Variants in DNMBP observed in about 807,000 individuals in gnomAD.
The protein encoded by DNMBP is dynamin-binding protein.
DNMBP carries 87 observed loss-of-function variants against 150.0 expected under a neutral mutation model. That is an observed-to-expected ratio of 0.58 (90% CI 0.49 to 0.69). The LOEUF (loss-of-function observed/expected upper bound fraction) is 0.69, where lower values mean the gene tolerates loss of function less well. Ranked by LOEUF, DNMBP falls within the 30% of genes least tolerant of loss-of-function variation. The pLI is 0.00. For missense variants in DNMBP, 1,774 were observed against 1,949.0 expected (o/e 0.91, Z 1.69); for synonymous variants, 711 against 750.4 (o/e 0.95, Z 0.86).
At chr10:99,925,207 C>G (rs1314214060) in intron 4 of DNMBP, among the ~76,000 whole-genome samples, 1 of 152,134 alleles carries the variant, frequency 6.6e-6, no homozygotes, top group Non-Finnish European at 1.5e-5. Flanking sequence ...CAGACTCAAT[C>G]TACGGCTGTG....
At chr10:99,976,756 A>T (rs1035361470) in intron 1 of DNMBP, among the ~76,000 whole-genome samples, 6 of 151,616 alleles carry the variant, frequency 4.0e-5, no homozygotes, top group African/African-American at 1.5e-4. Flanking sequence ...TCAGATTTCC[A>T]CATAAGGGTG....
At chr10:99,893,538 A>G (rs1033710511) in intron 11 of DNMBP, among the ~76,000 whole-genome samples, 8 of 152,214 alleles carry the variant, frequency 5.3e-5, no homozygotes, top group African/African-American at 1.9e-4. Flanking sequence ...GATCGACACC[A>G]TCCTGGCCAA....
intron 1 of DNMBP, among the ~76,000 whole-genome samples, chr10:100,005,596 T>C (rs1181271710): frequency 5.3e-5 from 8 of 151,428 alleles, no homozygotes; most frequent in African/African-American, 1.7e-4. Context: ...TCTACTAAAA[T>C]ACAAAAAAAT....
In DNMBP at chr10:99,956,994, C is replaced by T. The variant is rs2040505750; in HGVS notation, c.480G>A (p.Leu160=). 6.2e-7 allele frequency: 1 copy of T among 1,614,108 alleles called. No homozygotes were observed. Among genetic ancestry groups the T allele is most frequent in the Non-Finnish European group, 8.5e-7 (1 of 1,180,058 alleles). The change falls in exon 4 of 17, where the codon CTG becomes CTA. Residue 160 remains leucine, a synonymous_variant. Coordinates refer to ENST00000324109, the MANE Select transcript of DNMBP (RefSeq NM_015221.4). ...CTTCCCTGAAGTCCAGCTCTTCATC[C>T]AGCTGAGCAGAAAGCCCCATTAGGG... The part of the protein sequence containing the change: ...ARALMGLSAQ[L]DEELDFREGD...
At position 99,905,366 on chromosome 10, in the gene DNMBP, C is replaced by T. The variant is rs77022470; in HGVS notation, c.2554+2629G>A. 2.6e-5 allele frequency among the ~76,000 whole-genome samples: 4 copies of T among 152,318 alleles called. No homozygotes were observed. The East Asian group carries it at 7.7e-4, about 29-fold the overall frequency. On this transcript the variant is annotated intron_variant, in intron 6 of 16. Transcript: ENST00000324109. ...GACAGAAAGACTTGAGTTTGAATGC[C>T]AGTCCCATCAATTACTAGCCATGTG...
intron 16 of DNMBP, among the ~76,000 whole-genome samples, chr10:99,878,086 G>C (rs1320106260): frequency 1.3e-5 from 2 of 152,242 alleles, no homozygotes; most frequent in African/African-American, 2.4e-5. Context: ...CTGGGCAACA[G>C]AGCAAGACTC....
intron 1 of DNMBP, among the ~76,000 whole-genome samples, chr10:99,983,156 T>C (rs1170751505): frequency 1.3e-5 from 2 of 152,190 alleles, no homozygotes; most frequent in Non-Finnish European, 2.9e-5. Context: ...CAAAAGAATA[T>C]GCTTCCATGA....
intron 4 of DNMBP, among the ~76,000 whole-genome samples, chr10:99,937,591 T>C (rs1357547640): frequency 6.6e-6 from 1 of 152,024 alleles, no homozygotes; most frequent in Non-Finnish European, 1.5e-5. Flanking sequence ...AACAAACAAA[T>C]AGAAAGTATC....
intron 4 of DNMBP, among the ~76,000 whole-genome samples, chr10:99,931,859 G>C (rs902785688): frequency 6.6e-6 from 1 of 152,214 alleles, no homozygotes; most frequent in Non-Finnish European, 1.5e-5. Context: ...CAAAGTCCCT[G>C]GCATGGCAAG....
chr10:99,899,201 A>G (rs974606429), intron 7 of DNMBP, among the ~76,000 whole-genome samples: 4 of 151,878 alleles, frequency 2.6e-5, no homozygotes, highest in Non-Finnish European at 4.4e-5. Context: ...CAAAAAATAA[A>G]AAAATAATAA....
intron 4 of DNMBP, among the ~76,000 whole-genome samples, chr10:99,935,815 T>G (rs1390802151): frequency 6.6e-6 from 1 of 152,160 alleles, no homozygotes; most frequent in Admixed American, 6.6e-5. Context: ...CCTGCGCACC[T>G]CGGCCTCCCG....
chr10:100,007,596 G>A (rs928483909), intron 1 of DNMBP, among the ~76,000 whole-genome samples: 1 of 152,090 alleles, frequency 6.6e-6, no homozygotes, highest in Non-Finnish European at 1.5e-5. Flanking sequence ...TGGTGGTCAC[G>A]TCCTTCAGTC....
chr10:99,932,736 G>C (rs1475675651), intron 4 of DNMBP, among the ~76,000 whole-genome samples: 1 of 146,440 alleles, frequency 6.8e-6, no homozygotes, highest in Admixed American at 6.9e-5. Context: ...GGGATTAATT[G>C]TGCATGAGTC....
intron 1 of DNMBP, among the ~76,000 whole-genome samples, chr10:99,984,952 G>A (rs2040815185): frequency 6.6e-6 from 1 of 152,100 alleles, no homozygotes; most frequent in Non-Finnish European, 1.5e-5. Context: ...ATGTTGCCCA[G>A]GCTGGTCTTG....
chr10:100,005,764 CAAAAAAA>C (rs760685767), intron 1 of DNMBP, among the ~76,000 whole-genome samples: 1 of 37,978 alleles, frequency 2.6e-5, no homozygotes, highest in Non-Finnish European at 5.4e-5. Context: ...CAAAAGTCTC[CAAAAAAA>C]AAAAAAAAAA....
chr10:100,008,327 T>G (rs910651092), intron 1 of DNMBP, among the ~76,000 whole-genome samples: 2 of 152,212 alleles, frequency 1.3e-5, no homozygotes, highest in African/African-American at 2.4e-5. Context: ...TGTATAAAAG[T>G]CAATTTATCA....
intron 16 of DNMBP, among the ~76,000 whole-genome samples, chr10:99,879,084 C>CAAAAAAAAAAAAAAAAAAAAAAAAAAA (rs71009780): frequency 6.4e-5 from 4 of 62,398 alleles, no homozygotes; most frequent in Non-Finnish European, 8.4e-5. Context: ...GACTCTGTCT[C>CAAAAAAAAAAAAAAAAAAAAAAAAAAA]AAAAAAAAAA....
At chr10:99,921,841 G>T (rs2040025762) in intron 4 of DNMBP, among the ~76,000 whole-genome samples, 1 of 136,944 alleles carries the variant, frequency 7.3e-6, no homozygotes, top group Non-Finnish European at 1.5e-5. Context: ...CTCCAGCCTG[G>T]GCAACAGAGT....
At chr10:99,992,690 C>A (rs1001243181) in intron 1 of DNMBP, among the ~76,000 whole-genome samples, 2 of 152,022 alleles carry the variant, frequency 1.3e-5, no homozygotes, top group Non-Finnish European at 2.9e-5. Flanking sequence ...CTAAGCCCGG[C>A]TAATTTTTTG....
Sources: gnomAD v4.1 joint callset for allele counts (sites outside exome capture counted in the v4.1 genomes callset) on GRCh38, gnomAD v4.1.1 for gene constraint, MANE v1.5 for transcripts, NCBI Gene and HGNC (gene_info 2026-07-23, HGNC 2026-07-21) for gene names.